Variants in DNAH17 observed in about 807,000 individuals in gnomAD.
DNAH17 encodes dynein axonemal heavy chain 17, also known as axonemal beta dynein heavy chain 17.
Under a neutral mutation model 485.6 loss-of-function variants are expected in DNAH17, and 376 were observed. That is an observed-to-expected ratio of 0.77 (90% CI 0.71 to 0.84). DNAH17 has a LOEUF of 0.84. Among genes scored for constraint, DNAH17 ranks in the 40% least tolerant of loss-of-function variants. DNAH17 has a pLI of 0.00. For missense variants in DNAH17, 6,370 were observed against 5,839.3 expected (o/e 1.09, Z -2.96); for synonymous variants, 3,031 against 2,405.9 (o/e 1.26, Z -7.60).
At chr17:78,533,511 G>A (rs1039905409) in intron 19 of DNAH17, among the ~76,000 whole-genome samples, 1 of 152,314 alleles carries the variant, frequency 6.6e-6, no homozygotes, top group Admixed American at 6.5e-5. Flanking sequence ...CTAGAGCAGA[G>A]AGCACGAGAG....
At chr17:78,522,217 C>A (rs545693033) in intron 25 of DNAH17, 5 of 169,942 alleles carry the variant, frequency 2.9e-5, no homozygotes, top group Admixed American at 6.5e-5. Context: ...TGTGGAGAAC[C>A]CAGCCCAGCT....
At chr17:78,488,668 A>G (rs1269162373) in intron 44 of DNAH17, among the ~76,000 whole-genome samples, 4 of 152,004 alleles carry the variant, frequency 2.6e-5, no homozygotes, top group African/African-American at 9.7e-5. Flanking sequence ...TCCACCCAGA[A>G]CCCAGAATGT....
At chr17:78,502,746 G>T in intron 32 of DNAH17, 48 bp from the exon 33 acceptor site, 1 of 1,597,810 alleles carries the variant, frequency 6.3e-7, no homozygotes, top group Non-Finnish European at 8.5e-7. Flanking sequence ...GATCGCTGGC[G>T]CCTGCTAACG....
intron 17 of DNAH17, among the ~76,000 whole-genome samples, chr17:78,543,245 G>T (rs936829787): frequency 1.3e-5 from 2 of 152,054 alleles, no homozygotes; most frequent in Non-Finnish European, 2.9e-5. Context: ...CTCCCGAGTA[G>T]CTGGGATTAC....
Position 78,454,596 on chromosome 17 carries a change from T to G in DNAH17, c.10280A>C (p.Glu3427Ala). 2 of 1,613,022 alleles carry G rather than the reference T, an allele frequency of 1.2e-6. No individual in the cohort carries two copies. The highest frequency in any genetic ancestry group is 4.5e-5 in the East Asian group (2 of 44,872). The change falls in exon 64 of 81, where the codon GAG (glutamate) becomes GCG (alanine). Residue 3427 changes from glutamate to alanine, a missense_variant. Glu to Ala is a moderately radical substitution (Grantham distance 107, BLOSUM62 -1). Transcript: ENST00000389840. ...QGLPSDRMST[E>A]NATILGNTER... Reference sequence around the variant, plus strand: ...GGTGTTGCCCAGGATGGTGGCATTCTCGGTGGACATGCGGTCGCTGGGGAG... The same window carrying G: ...GGTGTTGCCCAGGATGGTGGCATTCGCGGTGGACATGCGGTCGCTGGGGAG...
intron 75 of DNAH17, among the ~76,000 whole-genome samples, chr17:78,430,820 G>A (rs1002918755): frequency 6.7e-6 from 1 of 149,628 alleles, no homozygotes; most frequent in African/African-American, 2.5e-5. Flanking sequence ...GACCTCAGGG[G>A]ATCTGCCTGC....
At chr17:78,537,529 C>G (rs746369759) in intron 18 of DNAH17, 48 bp from the exon 19 acceptor site, 2 of 1,591,670 alleles carry the variant, frequency 1.3e-6, no homozygotes, top group Non-Finnish European at 1.7e-6. Context: ...TGTCCTCCAT[C>G]GGATGATTCT....
Position 78,502,593 on chromosome 17 carries a change from G to C in DNAH17, c.5188C>G (p.Gln1730Glu), listed in dbSNP as rs777687936. 4 of 1,612,316 alleles carry C rather than the reference G, an allele frequency of 2.5e-6. No homozygotes were observed. The Admixed American group carries it at 6.7e-5, about 27-fold the overall frequency. Residue 1730 changes from glutamine (Q) to glutamate (E), a missense_variant and splice_region_variant, in exon 33 of 81, where the codon CAG becomes GAG. Physicochemically the swap from Gln to Glu is conservative, Grantham distance 29. Coordinates refer to ENST00000389840, the MANE Select transcript of DNAH17 (RefSeq NM_173628.4). ...CTAACTACACACTAGTAACACACCT[G>C]CTTTTTGTTATAATCTCTGATAGCG... ...ENAIRDYNKK[Q>E]ISQLNVLITL...
In DNAH17 at chr17:78,526,722, A is replaced by G. The variant is rs2091086368; in HGVS notation, c.3640T>C (p.Phe1214Leu). 6.2e-6 allele frequency: 10 copies of G among 1,608,446 alleles called. No homozygotes were observed. In the South Asian group the frequency reaches 9.9e-5, roughly 16 times the overall value. The change falls in exon 24 of 81, where the codon TTC (phenylalanine) becomes CTC (leucine). Residue 1214 changes from phenylalanine (F) to leucine (L), a missense_variant. Transcript: ENST00000389840. ...GCCTCGCGCCTGAACCTCTCCCTGA[A>G]CTCATGTTGCTTGAGCTGCGAGAGA... ...CQQFELKQHE[F>L]RERFRREAPF... is the part of the protein sequence containing the mutation.
intron 55 of DNAH17, among the ~76,000 whole-genome samples, chr17:78,468,145 T>C (rs1163864897): frequency 7.1e-6 from 1 of 141,102 alleles, no homozygotes; most frequent in Non-Finnish European, 1.6e-5. Flanking sequence ...TAACCAACCA[T>C]GGACTGAAAA....
Position 78,560,809 on chromosome 17 carries a change from A to T in DNAH17, c.1962T>A (p.Phe654Leu). ...WVAGVDQDCHFNLGQPLILRD... is the reference protein window; with the variant it reads ...WVAGVDQDCHLNLGQPLILRD... Reference sequence around the variant, plus strand: ...GCAGAATCAGCGGCTGCCCCAGGTTAAAGTGGCAGTCCTGGTCCACGCCCG... The same window carrying T: ...GCAGAATCAGCGGCTGCCCCAGGTTTAAGTGGCAGTCCTGGTCCACGCCCG... Residue 654 changes from phenylalanine to leucine, a missense_variant, in exon 13 of 81, where the codon TTT becomes TTA. Physicochemically the swap from Phe to Leu is conservative, Grantham distance 22. Coordinates refer to ENST00000389840, the MANE Select transcript of DNAH17 (RefSeq NM_173628.4). 6.4e-7 allele frequency: 1 copy of T among 1,551,920 alleles called. No individual in the cohort carries two copies. The highest frequency in any genetic ancestry group is 8.7e-7 in the Non-Finnish European group (1 of 1,147,170).
chr17:78,455,079 T>A (rs2087733044), intron 63 of DNAH17, among the ~76,000 whole-genome samples: 1 of 152,152 alleles, frequency 6.6e-6, no homozygotes, highest in Non-Finnish European at 1.5e-5. Flanking sequence ...CCAGCTAATT[T>A]TCGTAGTTTT....
intron 41 of DNAH17, 140 bp from the exon 42 acceptor site, chr17:78,492,905 G>C: frequency 1.1e-6 from 1 of 895,100 alleles, no homozygotes; most frequent in South Asian, 1.8e-5. Context: ...AGGCTGGAGT[G>C]CAGTGGTGTG....
At position 78,451,631 on chromosome 17, in the gene DNAH17, C is replaced by A. The variant is rs140747982; in HGVS notation, c.10572G>T (p.Lys3524Asn). 7.5e-4 allele frequency: 1,198 copies of A among 1,597,480 alleles called. 5 individuals carry two copies. The highest frequency in any genetic ancestry group is 4.9e-3 in the South Asian group (435 of 88,896). Residue 3524 changes from lysine (K) to asparagine (N), a missense_variant, in exon 66 of 81, where the codon AAG becomes AAT. Transcript: ENST00000389840. ...IGDKEVEYHP[K>N]FRLILHTKYF... ...ACTTGGTGTGTAGGATCAGGCGGAA[C>A]TTGGGGTGGTACTCCACCTCCTTGT...
chr17:78,491,127 C>T (rs764806495), intron 43 of DNAH17, among the ~76,000 whole-genome samples: 28 of 152,358 alleles, frequency 1.8e-4, no homozygotes, highest in Middle Eastern at 6.8e-3. Context: ...GTATTGTGTT[C>T]CTTCCTGCAT....
Position 78,424,109 on chromosome 17 carries a change from G to C in DNAH17, c.13186C>G (p.Leu4396Val). 2 of 1,613,714 alleles carry C rather than the reference G, an allele frequency of 1.2e-6. No homozygotes were observed. The highest frequency in any genetic ancestry group is 1.7e-6 in the Non-Finnish European group (2 of 1,179,866). Residue 4396 changes from leucine to valine, a missense_variant, in exon 81 of 81, where the codon CTG (leucine) becomes GTG (valine). Physicochemically the swap from Leu to Val is conservative, Grantham distance 32. Coordinates refer to ENST00000389840, the MANE Select transcript of DNAH17 (RefSeq NM_173628.4). Reference sequence around the variant, plus strand: ...GGCATGGCCGGGGTCAGCTCTTTCAGCCGCGCTTCAGCGATGACTCCAGTC... The same window carrying C: ...GGCATGGCCGGGGTCAGCTCTTTCACCCGCGCTTCAGCGATGACTCCAGTC... ...TQTGVIAEAR[L>V]KELTPAMPVI...
chr17:78,538,487 G>A (rs1598670269), intron 18 of DNAH17, among the ~76,000 whole-genome samples: 1 of 152,224 alleles, frequency 6.6e-6, no homozygotes, highest in Admixed American at 6.5e-5. Context: ...TGTGGGTTAT[G>A]AGCTTTTGAG....
At chr17:78,464,168 C>T (rs903186851) in intron 56 of DNAH17, among the ~76,000 whole-genome samples, 1 of 152,144 alleles carries the variant, frequency 6.6e-6, no homozygotes, top group Admixed American at 6.5e-5. Context: ...CTGCTCATCC[C>T]CCCTACTGAG....
intron 57 of DNAH17, 26 bp from the exon 58 acceptor site, chr17:78,461,734 G>A (rs527653725): frequency 2.5e-6 from 4 of 1,596,866 alleles, no homozygotes; most frequent in Non-Finnish European, 3.4e-6. Flanking sequence ...CCGAGAAACA[G>A]CAAGTGTGGG....
Sources: gnomAD v4.1 joint callset for allele counts (sites outside exome capture counted in the v4.1 genomes callset) on GRCh38, gnomAD v4.1.1 for gene constraint, MANE v1.5 for transcripts, NCBI Gene and HGNC (gene_info 2026-07-23, HGNC 2026-07-21) for gene names.